BIVM: variants seen among roughly 807,000 people sequenced by gnomAD.
The protein encoded by BIVM is basic immunoglobulin-like variable motif-containing protein.
A neutral mutation model predicts 61.4 loss-of-function variants in BIVM; 31 were observed. The ratio of observed to expected loss-of-function variants is 0.51; its 90% CI spans 0.38 to 0.68. The LOEUF (loss-of-function observed/expected upper bound fraction) is 0.68, where lower values mean the gene tolerates loss of function less well. Ranked by LOEUF, BIVM falls within the 30% of genes least tolerant of loss-of-function variation. BIVM has a pLI of 0.00. For missense variants in BIVM, 526 were observed against 596.0 expected, an observed-to-expected ratio of 0.88 and a Z score of 1.22; for synonymous variants, 189 against 210.7, an observed-to-expected ratio of 0.90 and a Z score of 0.89.
intron 3 of BIVM, among the ~76,000 whole-genome samples, chr13:102,808,514 T>A (rs10508096): frequency 2.0e-3 from 299 of 152,240 alleles, no homozygotes; most frequent in Middle Eastern, 3.4e-3. Context: ...TGCTTGTTTA[T>A]CTGCAAAATC....
At chr13:102,821,695 G>T (rs547671437) in intron 5 of BIVM, 48 bp from the exon 6 acceptor site, 9 of 1,559,834 alleles carry the variant, frequency 5.8e-6, no homozygotes, top group Admixed American at 5.3e-5. Flanking sequence ...CTGTATTTGC[G>T]TATGACTGGA....
intron 10 of BIVM, among the ~76,000 whole-genome samples, chr13:102,839,327 T>C (rs1222436133): frequency 1.3e-5 from 2 of 152,092 alleles, no homozygotes; most frequent in Non-Finnish European, 2.9e-5. Flanking sequence ...CTCTAGTATG[T>C]GTTGGGAGTG....
intron 9 of BIVM, among the ~76,000 whole-genome samples, chr13:102,836,958 G>C (rs1047942906): frequency 1.3e-5 from 2 of 152,138 alleles, no homozygotes; most frequent in African/African-American, 4.8e-5. Flanking sequence ...TTTAATTAGA[G>C]TTTGTAAAGA....
chr13:102,838,398 A>G (rs1881626409), intron 9 of BIVM, among the ~76,000 whole-genome samples: 1 of 152,218 alleles, frequency 6.6e-6, no homozygotes. Flanking sequence ...ACATGTTGGT[A>G]TTTATTTATT....
At chr13:102,831,026 T>C (rs1354987833) in intron 7 of BIVM, among the ~76,000 whole-genome samples, 1 of 152,232 alleles carries the variant, frequency 6.6e-6, no homozygotes, top group Non-Finnish European at 1.5e-5. Flanking sequence ...ACCTGGAGTT[T>C]ATTTTTATTC....
intron 7 of BIVM, among the ~76,000 whole-genome samples, chr13:102,831,215 G>C (rs1027496132): frequency 5.9e-5 from 9 of 152,166 alleles, no homozygotes; most frequent in African/African-American, 1.9e-4. Context: ...TGCTTGTTCA[G>C]AATTTTAAGT....
At chr13:102,826,638 C>T (rs1474740007) in intron 7 of BIVM, among the ~76,000 whole-genome samples, 1 of 152,196 alleles carries the variant, frequency 6.6e-6, no homozygotes, top group Non-Finnish European at 1.5e-5. Context: ...ATACAGTTCT[C>T]AGTCTTGTGT....
intron 1 of BIVM, among the ~76,000 whole-genome samples, chr13:102,801,069 A>T (rs1300344882): frequency 6.6e-6 from 1 of 152,240 alleles, no homozygotes; most frequent in African/African-American, 2.4e-5. Flanking sequence ...TTTATTTTAC[A>T]GAACACTTCG....
intron 7 of BIVM, among the ~76,000 whole-genome samples, chr13:102,823,752 A>G (rs1415062675): frequency 6.6e-6 from 1 of 152,150 alleles, no homozygotes; most frequent in Non-Finnish European, 1.5e-5. Flanking sequence ...GAGTTTTTTA[A>G]AAGAGGTTTT....
At chr13:102,837,099 G>A (rs966621594) in intron 9 of BIVM, among the ~76,000 whole-genome samples, 6 of 152,080 alleles carry the variant, frequency 3.9e-5, no homozygotes, top group African/African-American at 7.2e-5. Flanking sequence ...GCACTATGGC[G>A]AAACCCCATC....
intron 8 of BIVM, among the ~76,000 whole-genome samples, chr13:102,832,183 T>C (rs1478065841): frequency 6.6e-6 from 1 of 152,136 alleles, no homozygotes; most frequent in Non-Finnish European, 1.5e-5. Context: ...AAAAAGTCAT[T>C]TGAAAAGTCA....
intron 2 of BIVM, among the ~76,000 whole-genome samples, chr13:102,806,494 C>T (rs1293099816): frequency 6.6e-6 from 1 of 152,186 alleles, no homozygotes; most frequent in African/African-American, 2.4e-5. Context: ...AAGTGATCCA[C>T]CTGCCTTGGC....
At position 102,807,494 on chromosome 13, in the gene BIVM, T is replaced by G. The variant is rs763255735; in HGVS notation, c.227T>G (p.Leu76Arg). ...IYAICSDYAFLNQATSIYKTP... is the reference protein window; with the variant it reads ...IYAICSDYAFRNQATSIYKTP... The stretch of plus-strand genomic sequence containing the variant: ...GCCATCTGTTCGGACTATGCCTTTC[T>G]CAACCAGGCGACCTCAATCTATAAA... Residue 76 changes from leucine (L) to arginine (R), a missense_variant, in exon 3 of 11, where the codon CTC becomes CGC. Leu to Arg is a moderately radical substitution (Grantham distance 102). This residue lies in a region of BIVM where 312 missense variants were observed against 343.8 expected (regional missense o/e 0.91). Transcript: ENST00000257336. The surrounding 1 kb of genome is among the most constrained non-coding windows in gnomAD (Gnocchi z 4.0). 1 of 1,614,230 alleles carries G rather than the reference T, an allele frequency of 6.2e-7. No homozygotes were observed. The highest frequency in any genetic ancestry group is 8.5e-7 in the Non-Finnish European group (1 of 1,180,038).
At chr13:102,800,936 T>C (rs1461605780) in intron 1 of BIVM, among the ~76,000 whole-genome samples, 1 of 152,232 alleles carries the variant, frequency 6.6e-6, no homozygotes, top group Non-Finnish European at 1.5e-5. Context: ...ACGAAAAGGC[T>C]TTACTGAAGA....
In BIVM at chr13:102,807,744, AG is replaced by A. The variant is rs1879198267; in HGVS notation, c.478+1del. 6.2e-7 allele frequency: 1 copy of A among 1,603,550 alleles called. No homozygotes were observed. On this transcript the variant is annotated frameshift_variant and splice_region_variant, in exon 3 of 11. Transcript: ENST00000257336. LOFTEE classifies it high-confidence loss of function. The surrounding 1 kb of genome is among the most constrained non-coding windows in gnomAD (Gnocchi z 4.0). The stretch of plus-strand genomic sequence containing the variant: ...TGACCACAAATTCGAAACACAAATC[AG>A]GTAAGGAGGGAGCCATGAAGTTCAT... ...GVTTNSKHKS[G>X]NAKKQVSKRK...
intron 7 of BIVM, among the ~76,000 whole-genome samples, chr13:102,825,035 T>C (rs932012730): frequency 1.3e-5 from 2 of 152,084 alleles, no homozygotes; most frequent in South Asian, 2.1e-4. Flanking sequence ...CTCCACCTGC[T>C]GGGTTCACGC....
intron 2 of BIVM, among the ~76,000 whole-genome samples, chr13:102,805,764 C>T (rs1385459327): frequency 6.6e-6 from 1 of 151,662 alleles, no homozygotes; most frequent in Non-Finnish European, 1.5e-5. Flanking sequence ...ACTATCTGGT[C>T]CTTTGTGACG....
chr13:102,800,035 G>T (rs995298896), intron 1 of BIVM, among the ~76,000 whole-genome samples: 1 of 152,188 alleles, frequency 6.6e-6, no homozygotes, highest in Non-Finnish European at 1.5e-5. Context: ...ACCCGGAGCC[G>T]CCTCCTCTGC....
chr13:102,822,779 T>G (rs927271251), intron 7 of BIVM, among the ~76,000 whole-genome samples: 1 of 152,230 alleles, frequency 6.6e-6, no homozygotes, highest in African/African-American at 2.4e-5. Flanking sequence ...ATCAGAAAAT[T>G]GTAATACATT....
Sources: allele counts gnomAD v4.1 joint callset (sites outside exome capture counted in the v4.1 genomes callset), GRCh38; gene constraint gnomAD v4.1.1; regional missense constraint gnomAD v4.1.1; non-coding constraint Gnocchi (gnomAD v3.1); transcripts MANE v1.5; gene names NCBI Gene and HGNC (gene_info 2026-07-23, HGNC 2026-07-21).